ELOVL6: variants seen among roughly 807,000 people sequenced by gnomAD.
The protein encoded by ELOVL6 is very long chain fatty acid elongase 6.
In ELOVL6, 8 loss-of-function variants were observed where a neutral mutation model predicts 31.7. The ratio of observed to expected loss-of-function variants is 0.25; its 90% confidence interval spans 0.15 to 0.45. The LOEUF (loss-of-function observed/expected upper bound fraction) is 0.45, where lower values mean the gene tolerates loss of function less well. Ranked by LOEUF, ELOVL6 falls within the 20% of genes least tolerant of loss-of-function variation. The pLI is 1.00. For missense variants in ELOVL6, 126 were observed against 326.4 expected (o/e 0.39, Z 4.73); for synonymous variants, 101 against 117.7 (o/e 0.86, Z 0.92).
At position 110,085,014 on chromosome 4, in the gene ELOVL6, T is replaced by G. The variant is rs180840381; in HGVS notation, c.221+20483A>C. On this transcript the variant is annotated intron_variant, in intron 2 of 3. Coordinates refer to ENST00000302274, the MANE Select transcript of ELOVL6 (RefSeq NM_024090.3). ...GAAATTGATTTAATTATTCACTTAT[T>G]TGTGTATTGATTAAGTTGTGGTAGA... Among the ~76,000 whole-genome samples, 54 of 152,226 alleles carry G rather than the reference T, an allele frequency of 3.5e-4. No homozygotes were observed. In the East Asian group the frequency reaches 5.4e-3, roughly 15 times the overall value.
At chr4:110,076,417 T>C (rs1755632830) in intron 2 of ELOVL6, among the ~76,000 whole-genome samples, 1 of 152,136 alleles carries the variant, frequency 6.6e-6, no homozygotes, top group Non-Finnish European at 1.5e-5. Context: ...TCCTATATAA[T>C]AATAGAACAC....
chr4:110,147,780 GACAC>G (rs58644594), intron 1 of ELOVL6, among the ~76,000 whole-genome samples: 1,458 of 142,662 alleles, frequency 0.01, 9 homozygotes, highest in East Asian at 0.019. Flanking sequence ...GACAGAGCAG[GACAC>G]ACACACACAC....
In ELOVL6 at chr4:110,119,335, A is replaced by C. The variant is rs1757276558; in HGVS notation, c.90-13707T>G. Among the ~76,000 whole-genome samples, 3 of 152,214 alleles carry C rather than the reference A, an allele frequency of 2.0e-5. No homozygotes were observed. In the South Asian group the frequency reaches 6.2e-4, roughly 32 times the overall value. On this transcript the variant is annotated intron_variant, in intron 1 of 3. Transcript: ENST00000302274. ...AAAAAAAAGGTGGTATCACATGATA[A>C]AGTATATCAATTGAGATGGACAAAA...
chr4:110,066,883 A>C (rs576368814), intron 2 of ELOVL6, among the ~76,000 whole-genome samples: 3 of 151,962 alleles, frequency 2.0e-5, no homozygotes, highest in African/African-American at 7.2e-5. Context: ...CCCTGCACAC[A>C]TTAGGTATTT....
intron 1 of ELOVL6, among the ~76,000 whole-genome samples, chr4:110,157,954 G>A (rs6818252): frequency 6.6e-6 from 1 of 152,048 alleles, no homozygotes; most frequent in Non-Finnish European, 1.5e-5. Flanking sequence ...GGTACAAGAA[G>A]AATTAACTAA....
chr4:110,193,101 C>T (rs1479146864), intron 1 of ELOVL6, among the ~76,000 whole-genome samples: 1 of 152,162 alleles, frequency 6.6e-6, no homozygotes, highest in African/African-American at 2.4e-5. Flanking sequence ...CAAAGCAATC[C>T]TCACTAAATG....
intron 3 of ELOVL6, among the ~76,000 whole-genome samples, chr4:110,057,756 C>G (rs1755030022): frequency 6.7e-6 from 1 of 150,242 alleles, no homozygotes. Context: ...AAGGCTGAGG[C>G]ACGAGAATTG....
At chr4:110,172,755 C>A (rs1449965607) in intron 1 of ELOVL6, among the ~76,000 whole-genome samples, 2 of 152,138 alleles carry the variant, frequency 1.3e-5, no homozygotes, top group African/African-American at 2.4e-5. Context: ...CTTAAAAATT[C>A]TTGCTGATGT....
chr4:110,051,464 C>G lies in ELOVL6; in HGVS notation c.672G>C (p.Gln224His), dbSNP rs774265198. The G allele has an allele frequency of 6.2e-7, 1 of 1,614,210 alleles. No individual in the cohort carries two copies. The highest frequency in any genetic ancestry group is 1.1e-5 in the South Asian group (1 of 91,090). ...AGATGTTCTGAAAGTGAGAGTGACACTGGTCATGCTGCATCCAGCAGAAGA... is the reference window on the plus strand; with the variant it reads ...AGATGTTCTGAAAGTGAGAGTGACAGTGGTCATGCTGCATCCAGCAGAAGA... Reference protein sequence around the residue: ...YLVFCWMQHDQCHSHFQNIFW... With the variant: ...YLVFCWMQHDHCHSHFQNIFW... Residue 224 changes from glutamine (Q) to histidine (H), a missense_variant, in exon 4 of 4, where the codon CAG (glutamine) becomes CAC (histidine). Physicochemically the swap from Gln to His is conservative, Grantham distance 24 (BLOSUM62 0). Transcript: ENST00000302274. The surrounding 1 kb of genome is among the most constrained non-coding windows in gnomAD (Gnocchi z 4.8).
intron 1 of ELOVL6, among the ~76,000 whole-genome samples, chr4:110,138,632 C>T (rs890269284): frequency 6.6e-6 from 1 of 150,450 alleles, no homozygotes; most frequent in African/African-American, 2.4e-5. Flanking sequence ...GAAGGAAGAA[C>T]ATTCAAAGGA....
chr4:110,185,803 A>C (rs1261414456), intron 1 of ELOVL6, among the ~76,000 whole-genome samples: 1 of 151,856 alleles, frequency 6.6e-6, no homozygotes, highest in Non-Finnish European at 1.5e-5. Context: ...CAGTATGTAG[A>C]AATACCTTCA....
intron 1 of ELOVL6, among the ~76,000 whole-genome samples, chr4:110,150,398 T>C (rs1373102006): frequency 1.3e-5 from 2 of 152,190 alleles, no homozygotes; most frequent in Admixed American, 6.6e-5. Flanking sequence ...GTGTTTGAAA[T>C]AGTTCTCAAT....
intron 1 of ELOVL6, among the ~76,000 whole-genome samples, chr4:110,137,126 A>G (rs1463553344): frequency 1.3e-5 from 2 of 152,126 alleles, no homozygotes; most frequent in Admixed American, 6.6e-5. Context: ...TTCCTTAGAA[A>G]CCTGGAAAAC....
intron 1 of ELOVL6, among the ~76,000 whole-genome samples, chr4:110,140,289 T>C (rs936661438): frequency 1.3e-5 from 2 of 152,230 alleles, no homozygotes; most frequent in African/African-American, 4.8e-5. Flanking sequence ...GATTGATTGG[T>C]GCTTCCTGCT....
intron 1 of ELOVL6, among the ~76,000 whole-genome samples, chr4:110,190,748 ACCCACCTCAGCCT>A (rs1269815495): frequency 6.8e-6 from 1 of 147,122 alleles, no homozygotes. Flanking sequence ...CAAGTGATCC[ACCCACCTCAGCCT>A]CCCACAGCGC....
At chr4:110,192,127 T>A (rs1424039838) in intron 1 of ELOVL6, among the ~76,000 whole-genome samples, 1 of 149,958 alleles carries the variant, frequency 6.7e-6, no homozygotes, top group Non-Finnish European at 1.5e-5. Context: ...GAGGCAGAGG[T>A]TGCAGTAAGC....
At position 110,172,301 on chromosome 4, in the gene ELOVL6, A is replaced by T. The variant is rs1758972354; in HGVS notation, c.89+25946T>A. On this transcript the variant is annotated intron_variant, in intron 1 of 3. Transcript: ENST00000302274. ...AGTGGTGTGAGAACAGAGGAAAAAC[A>T]GTTTTGAGTTTTTCCACTCACATAC... Among the ~76,000 whole-genome samples, 2 of 152,206 alleles carry T rather than the reference A, an allele frequency of 1.3e-5. 1 individual carries two copies. Among genetic ancestry groups the T allele is most frequent in the South Asian group, 4.1e-4 (2 of 4,826 alleles).
intron 1 of ELOVL6, among the ~76,000 whole-genome samples, chr4:110,195,474 G>C (rs994555738): frequency 1.1e-4 from 16 of 152,012 alleles, no homozygotes; most frequent in African/African-American, 3.9e-4. Context: ...ACAGTTTTTG[G>C]GGAGGGAGGA....
At chr4:110,151,228 T>C (rs931947144) in intron 1 of ELOVL6, among the ~76,000 whole-genome samples, 21 of 151,868 alleles carry the variant, frequency 1.4e-4, no homozygotes, top group African/African-American at 5.1e-4. Flanking sequence ...TTTTTTTTTT[T>C]TTGGATTTTG....
Sources: gnomAD v4.1 joint callset for allele counts (sites outside exome capture counted in the v4.1 genomes callset) on GRCh38, gnomAD v4.1.1 for gene constraint, Gnocchi (gnomAD v3.1) non-coding constraint, MANE v1.5 for transcripts, NCBI Gene and HGNC (gene_info 2026-07-23, HGNC 2026-07-21) for gene names.